SMC1B: variants seen among roughly 807,000 people sequenced by gnomAD.
The protein encoded by SMC1B is structural maintenance of chromosomes 1B.
Under a neutral mutation model 157.9 loss-of-function variants are expected in SMC1B, and 60 were observed. The ratio of observed to expected loss-of-function variants is 0.38; its 90% CI spans 0.31 to 0.47. SMC1B has a LOEUF of 0.47. Among genes scored for constraint, SMC1B ranks in the 20% least tolerant of loss-of-function variants. The pLI is 0.99. For missense variants in SMC1B, 1,165 were observed against 1,426.2 expected (o/e 0.82, Z 2.95); for synonymous variants, 445 against 483.0 (o/e 0.92, Z 1.03).
chr22:45,361,934 C>G lies in SMC1B; in HGVS notation c.2613G>C (p.Gln871His), dbSNP rs1419755504. Residue 871 changes from glutamine (Q) to histidine (H), a missense_variant, in exon 17 of 25, where the codon CAG (glutamine) becomes CAC (histidine). Physicochemically the swap from Gln to His is conservative, Grantham distance 24. Coordinates refer to ENST00000357450, the MANE Select transcript of SMC1B (RefSeq NM_148674.5). The stretch of plus-strand genomic sequence containing the variant: ...GAGTGACACGTATGTCCTTAAGTTG[C>G]TGCTGCTTTGCCATGAGTTCATTCA... Reference protein sequence around the residue: ...QTVNELMAKQQQLKDIRVTQN... With the variant: ...QTVNELMAKQHQLKDIRVTQN... 1 of 1,613,994 alleles carries G rather than the reference C, an allele frequency of 6.2e-7. No homozygotes were observed. The highest frequency in any genetic ancestry group is 1.3e-5 in the African/African-American group (1 of 74,932).
chr22:45,379,951 T>G (rs1012304901), intron 12 of SMC1B, among the ~76,000 whole-genome samples: 6 of 152,108 alleles, frequency 3.9e-5, no homozygotes, highest in African/African-American at 1.4e-4. Context: ...CAGGCAGGAC[T>G]TAAACTCCTT....
chr22:45,349,015 ATTTTT>A (rs1183927337), intron 23 of SMC1B, among the ~76,000 whole-genome samples: 6 of 99,662 alleles, frequency 6.0e-5, no homozygotes, highest in African/African-American at 2.0e-4. Context: ...ACAAGGACTG[ATTTTT>A]TTTTTTTTTT....
rs746199291 is a variant in SMC1B, at chr22:45,408,916, T to C, written c.110-18A>G. The stretch of plus-strand genomic sequence containing the variant: ...AGATTTTCCTGGGGAAGAAAAGAGA[T>C]AAAACATTATTCATTCTTAATGATA... On this transcript the variant is annotated intron_variant, in intron 1 of 24. Coordinates refer to ENST00000357450, the MANE Select transcript of SMC1B (RefSeq NM_148674.5). 2 of 1,414,800 alleles carry C rather than the reference T, an allele frequency of 1.4e-6. No homozygotes were observed. The highest frequency in any genetic ancestry group is 2.5e-5 in the East Asian group (1 of 40,474). 87.6% of individuals were successfully genotyped at this position (1,414,800 alleles called of 1,614,324 possible). A position where few individuals can be genotyped will look rare whatever the true frequency, so the allele number is the denominator to read the frequency against.
chr22:45,377,043 C>A lies in SMC1B; in HGVS notation c.2059-4751G>T, dbSNP rs573479507. On this transcript the variant is annotated intron_variant, in intron 12 of 24. Coordinates refer to ENST00000357450, the MANE Select transcript of SMC1B (RefSeq NM_148674.5). ...TGTGGATGGGGATTAGGCCAGCAAA[C>A]CACACCACTGCCTATCTTTTCAAAC... is the stretch of plus-strand genomic sequence containing the variant. Among the ~76,000 whole-genome samples, 33 of 152,294 alleles carry A rather than the reference C, an allele frequency of 2.2e-4. 1 individual carries two copies. The South Asian group carries it at 6.8e-3, about 32-fold the overall frequency.
At chr22:45,360,938 C>T (rs935296719) in intron 17 of SMC1B, among the ~76,000 whole-genome samples, 2 of 150,174 alleles carry the variant, frequency 1.3e-5, no homozygotes, top group African/African-American at 2.5e-5. Flanking sequence ...TTGCCATCAT[C>T]ATGGCAGACA....
At chr22:45,375,256 C>T (rs950787938) in intron 12 of SMC1B, among the ~76,000 whole-genome samples, 4 of 152,174 alleles carry the variant, frequency 2.6e-5, no homozygotes, top group South Asian at 2.1e-4. Flanking sequence ...TTCGAGTTAT[C>T]CTGCCTTTGC....
intron 23 of SMC1B, 145 bp from the exon 24 acceptor site, chr22:45,345,714 C>T: frequency 1.7e-6 from 1 of 588,644 alleles, no homozygotes; most frequent in Non-Finnish European, 3.1e-6. Context: ...AAATCCTCAA[C>T]AACTGCAGAA....
chr22:45,397,373 C>G (rs1365261158), intron 6 of SMC1B, among the ~76,000 whole-genome samples: 1 of 152,040 alleles, frequency 6.6e-6, no homozygotes, highest in East Asian at 1.9e-4. Flanking sequence ...AAAAATTAGA[C>G]AGGTGTGGTA....
intron 23 of SMC1B, among the ~76,000 whole-genome samples, chr22:45,348,979 C>G (rs2086580992): frequency 6.6e-6 from 1 of 150,778 alleles, no homozygotes; most frequent in Non-Finnish European, 1.5e-5. Context: ...GCTGAGATTA[C>G]AGGCATGAGC....
At chr22:45,409,583 A>C (rs895109154) in intron 1 of SMC1B, among the ~76,000 whole-genome samples, 1 of 77,470 alleles carries the variant, frequency 1.3e-5, no homozygotes, top group Non-Finnish European at 2.1e-5. Context: ...TAAATAAATA[A>C]ATAAATAAAT....
intron 22 of SMC1B, 120 bp downstream of exon 22, chr22:45,352,331 A>C (rs2086623507): frequency 3.5e-6 from 3 of 868,024 alleles, no homozygotes; most frequent in African/African-American, 1.7e-5. Flanking sequence ...TGGCTGAAGA[A>C]GATAGTTTTG....
chr22:45,406,885 C>T lies in SMC1B; in HGVS notation c.299-20G>A. 6.6e-7 allele frequency: 1 copy of T among 1,508,660 alleles called. No homozygotes were observed. The highest frequency in any genetic ancestry group is 1.8e-4 in the Middle Eastern group (1 of 5,568). 93.5% of individuals were successfully genotyped at this position (1,508,660 alleles called of 1,614,324 possible). ...ATCCCCCTAAAATAAAAAAATAAACCCTGTTAAAAAATATATAAATACCAG... is the reference window on the plus strand; with the variant it reads ...ATCCCCCTAAAATAAAAAAATAAACTCTGTTAAAAAATATATAAATACCAG... On this transcript the variant is annotated intron_variant, in intron 2 of 24. Transcript: ENST00000357450.
chr22:45,353,982 G>A lies in SMC1B; in HGVS notation c.3269C>T (p.Ala1090Val), dbSNP rs200678595. 2.1e-5 allele frequency: 33 copies of A among 1,555,784 alleles called. No homozygotes were observed. The highest frequency in any genetic ancestry group is 8.7e-7 in the Non-Finnish European group (1 of 1,149,444). Reference protein sequence around the residue: ...IYKKLCRNNSAQAFLSPENPE... With the variant: ...IYKKLCRNNSVQAFLSPENPE... ...TTGAGGATGAAAGATACATACTTGG[G>A]CGCTGTTGTTTCTGCAGAGCTTCTT... is the stretch of plus-strand genomic sequence containing the variant. The change falls in exon 21 of 25, where the codon GCC (alanine) becomes GTC (valine). Residue 1090 changes from alanine to valine, a missense_variant. Ala to Val is a moderately conservative substitution (Grantham distance 64, BLOSUM62 0). Transcript: ENST00000357450.
chr22:45,365,641 G>A lies in SMC1B; in HGVS notation c.2421-2615C>T, dbSNP rs192251554. On this transcript the variant is annotated intron_variant, in intron 15 of 24. Coordinates refer to ENST00000357450, the MANE Select transcript of SMC1B (RefSeq NM_148674.5). ...GATCACTTGAGCCCAGGAGGCAGAG[G>A]TAGCAGTGAGCCAAGATTGTGCCAC... Among the ~76,000 whole-genome samples the A allele has an allele frequency of 3.3e-5, 5 of 152,284 alleles. No individual in the cohort carries two copies. The East Asian group carries it at 7.7e-4, about 23-fold the overall frequency.
intron 9 of SMC1B, 86 bp from the exon 10 acceptor site, chr22:45,389,983 G>T: frequency 9.5e-6 from 11 of 1,154,228 alleles, no homozygotes; most frequent in Admixed American, 2.4e-5. Context: ...ACAAAGTAGC[G>T]CAGACAAAAA....
At chr22:45,407,650 C>T (rs5765330) in intron 2 of SMC1B, among the ~76,000 whole-genome samples, 94,435 of 151,486 alleles carry the variant, frequency 0.62, 31,982 homozygotes, top group African/African-American at 0.9. Context: ...GGTCTCACCA[C>T]GTTTCCCAGG....
chr22:45,390,756 T>G (rs1160088300), intron 9 of SMC1B, among the ~76,000 whole-genome samples: 1 of 151,832 alleles, frequency 6.6e-6, no homozygotes, highest in African/African-American at 2.4e-5. Flanking sequence ...TTACTTGAGC[T>G]GAGACCTGAA....
At chr22:45,398,980 T>A (rs2087159618) in intron 6 of SMC1B, 115 bp downstream of exon 6, 1 of 1,055,454 alleles carries the variant, frequency 9.5e-7, no homozygotes, top group East Asian at 2.4e-5. Context: ...CCCCACAATT[T>A]ACATTGAGGA....
At position 45,387,167 on chromosome 22, in the gene SMC1B, A is replaced by G; in HGVS notation, c.1732-121T>C. ...AGCAAAAGATCAACAGTATGTACCC[A>G]GCCAGGCGTGATGCTCACGCCTGTA... is the stretch of plus-strand genomic sequence containing the variant. On this transcript the variant is annotated intron_variant, in intron 10 of 24. Coordinates refer to ENST00000357450, the MANE Select transcript of SMC1B (RefSeq NM_148674.5). 3.5e-6 allele frequency: 3 copies of G among 858,746 alleles called. 1 individual carries two copies. In the South Asian group the frequency reaches 5.9e-5, roughly 17 times the overall value. 53.2% of individuals were successfully genotyped at this position (858,746 alleles called of 1,614,324 possible). A position where few individuals can be genotyped will look rare whatever the true frequency, so the allele number is the denominator to read the frequency against.
Sources: gnomAD v4.1 joint callset for allele counts (sites outside exome capture counted in the v4.1 genomes callset) on GRCh38, gnomAD v4.1.1 for gene constraint, MANE v1.5 for transcripts, NCBI Gene and HGNC (gene_info 2026-07-23, HGNC 2026-07-21) for gene names.